Variants in FGF17 observed in about 807,000 individuals in gnomAD.
FGF17 encodes the protein fibroblast growth factor 17.
FGF17 carries 5 observed loss-of-function variants against 23.5 expected under a neutral mutation model. That is an observed-to-expected ratio of 0.21 (90% CI 0.11 to 0.45). FGF17 has a LOEUF of 0.45. Among genes scored for constraint, FGF17 ranks in the 20% least tolerant of loss-of-function variants. FGF17 has a pLI of 0.99. For missense variants in FGF17, 221 were observed against 306.9 expected (o/e 0.72, Z 2.09); for synonymous variants, 136 against 123.0 (o/e 1.11, Z -0.70).
intron 2 of FGF17, among the ~76,000 whole-genome samples, chr8:22,043,550 T>G (rs1800781996): frequency 6.6e-6 from 1 of 152,192 alleles, no homozygotes; most frequent in Non-Finnish European, 1.5e-5. Flanking sequence ...CAGGTTTTGA[T>G]GCAAGACCAC....
upstream of FGF17, among the ~76,000 whole-genome samples, chr8:22,041,440 C>A (rs186596093): frequency 6.6e-6 from 1 of 152,124 alleles, no homozygotes; most frequent in African/African-American, 2.4e-5. Flanking sequence ...ACCCTGGGGG[C>A]GCTGAGAACT....
chr8:22,045,088 G>C, intron 2 of FGF17: 2 of 985,558 alleles, frequency 2.0e-6, no homozygotes. Context: ...GCACCTTGCA[G>C]GATGGAGGGG....
chr8:22,042,979 C>A lies in FGF17; in HGVS notation c.35+16C>A, dbSNP rs763671362. On this transcript the variant is annotated intron_variant, in intron 1 of 4. Coordinates refer to ENST00000359441, the MANE Select transcript of FGF17 (RefSeq NM_003867.4). Reference sequence around the variant, plus strand: ...ACCTCACTCTGTAAGTGTGCTACCTCTCCCACTGGAGTTTCGTTGCCATTT... The same window carrying A: ...ACCTCACTCTGTAAGTGTGCTACCTATCCCACTGGAGTTTCGTTGCCATTT... 15 of 1,612,348 alleles carry A rather than the reference C, an allele frequency of 9.3e-6. No individual in the cohort carries two copies. Among genetic ancestry groups the A allele is most frequent in the Middle Eastern group, 1.6e-4 (1 of 6,080 alleles).
Position 22,044,027 on chromosome 8 carries a change from T to TCC in FGF17, c.72+854_72+855dup, listed in dbSNP as rs570759086. On this transcript the variant is annotated intron_variant, in intron 2 of 4. Transcript: ENST00000359441. ...GGGGGGTGGGAGAGGGAGAGACAAT[T>TCC]CCCCCCCCCTTCCTTCCCCCTTTTG... 4.2e-3 allele frequency among the ~76,000 whole-genome samples: 614 copies of TCC among 146,812 alleles called. 3 individuals carry two copies. The highest frequency in any genetic ancestry group is 0.015 in the African/African-American group (581 of 39,672).
In FGF17 at chr8:22,048,373, G is replaced by T; in HGVS notation, c.*124G>T. Reference sequence around the variant, plus strand: ...CCCGAGGGAGGACCCTGAGGGCCGCGAAGCATCCGAGCCCCCAGCTGGGAA... The same window carrying T: ...CCCGAGGGAGGACCCTGAGGGCCGCTAAGCATCCGAGCCCCCAGCTGGGAA... On this transcript the variant is annotated 3_prime_UTR_variant, in exon 5 of 5. Transcript: ENST00000359441. The surrounding 1 kb of genome is among the most constrained non-coding windows in gnomAD (Gnocchi z 6.9). 1 of 881,208 alleles carries T rather than the reference G, an allele frequency of 1.1e-6. No individual in the cohort carries two copies. Among genetic ancestry groups the T allele is most frequent in the Non-Finnish European group, 1.7e-6 (1 of 592,204 alleles). The allele number at this position is 881,208 out of a possible 1,614,324, so 54.6% of individuals were successfully genotyped here. A position where few individuals can be genotyped will look rare whatever the true frequency, so the allele number is the denominator to read the frequency against.
intron 2 of FGF17, among the ~76,000 whole-genome samples, chr8:22,044,393 G>A (rs1019520060): frequency 4.6e-5 from 7 of 152,096 alleles, no homozygotes; most frequent in Non-Finnish European, 7.4e-5. Context: ...GAAAGGGACA[G>A]GCTAGGTCCC....
chr8:22,039,809 G>C (rs1026064061), upstream of FGF17, among the ~76,000 whole-genome samples: 3 of 152,032 alleles, frequency 2.0e-5, no homozygotes, highest in African/African-American at 7.2e-5. Context: ...CCCTTCCCCT[G>C]CCCCAACTCT....
At chr8:22,041,677 G>C (rs1385568653), upstream of FGF17, among the ~76,000 whole-genome samples, 3 of 152,220 alleles carry the variant, frequency 2.0e-5, no homozygotes, top group African/African-American at 7.2e-5. Flanking sequence ...GTTTGGGGCT[G>C]GATCTGCAGG....
intron 2 of FGF17, chr8:22,045,176 GC>G: frequency 1.0e-6 from 1 of 985,540 alleles, no homozygotes; most frequent in Non-Finnish European, 1.2e-6. Flanking sequence ...ACTCCTCCTG[GC>G]TTTGCACAGT....
chr8:22,047,348 G>A lies in FGF17; in HGVS notation c.358-608G>A, dbSNP rs535178459. 2.0e-5 allele frequency among the ~76,000 whole-genome samples: 3 copies of A among 152,328 alleles called. No homozygotes were observed. The East Asian group carries it at 5.8e-4, about 29-fold the overall frequency. The stretch of plus-strand genomic sequence containing the variant: ...CAGCTAGCAAGATAGACACTAAGCA[G>A]CTGCCCCTGTGACCAAAGCACACGG... On this transcript the variant is annotated intron_variant, in intron 4 of 4. Transcript: ENST00000359441.
intron 2 of FGF17, among the ~76,000 whole-genome samples, chr8:22,044,180 G>C (rs1279930368): frequency 6.6e-6 from 1 of 152,074 alleles, no homozygotes; most frequent in African/African-American, 2.4e-5. Context: ...ACAATGGTGC[G>C]GCTGGCCGGG....
Position 22,048,313 on chromosome 8 carries a change from G to A in FGF17, c.*64G>A, listed in dbSNP as rs986445328. On this transcript the variant is annotated 3_prime_UTR_variant, in exon 5 of 5. Coordinates refer to ENST00000359441, the MANE Select transcript of FGF17 (RefSeq NM_003867.4). This position sits in a 1 kb window ranked among gnomAD's most constrained non-coding sequence, Gnocchi z 6.9. ...CCACCCCTTTCCCTTCTTAATCCAAGGACTGGGCTGGGGTGGCGGGAGGGG... is the reference window on the plus strand; with the variant it reads ...CCACCCCTTTCCCTTCTTAATCCAAAGACTGGGCTGGGGTGGCGGGAGGGG... The A allele has an allele frequency of 2.2e-6, 3 of 1,363,768 alleles. No individual in the cohort carries two copies. The highest frequency in any genetic ancestry group is 1.4e-5 in the South Asian group (1 of 72,370). The allele number at this position is 1,363,768 out of a possible 1,614,324, so 84.5% of individuals were successfully genotyped here.
chr8:22,045,552 T>C, intron 2 of FGF17: 3 of 997,434 alleles, frequency 3.0e-6, no homozygotes, highest in Non-Finnish European at 3.6e-6. Flanking sequence ...CATGGGACCC[T>C]GCAGGAGCTT....
At position 22,048,732 on chromosome 8, in the gene FGF17, C is replaced by T. The variant is rs1801027146; in HGVS notation, c.*483C>T. 1 of 163,494 alleles carries T rather than the reference C, an allele frequency of 6.1e-6. No individual in the cohort carries two copies. 10.1% of individuals were successfully genotyped at this position (163,494 alleles called of 1,614,324 possible). A position where few individuals can be genotyped will look rare whatever the true frequency, so the allele number is the denominator to read the frequency against. On this transcript the variant is annotated 3_prime_UTR_variant, in exon 5 of 5. Coordinates refer to ENST00000359441, the MANE Select transcript of FGF17 (RefSeq NM_003867.4). This position sits in a 1 kb window ranked among gnomAD's most constrained non-coding sequence, Gnocchi z 6.9. ...AGAGAGAGGAAAATAGAGGGTTGTC[C>T]ACTCCTCACATTCCACGACCCAGGC...
Position 22,048,071 on chromosome 8 carries a change from G to C in FGF17, c.473G>C (p.Arg158Pro). ...TTCATGGCCTTCACGCGGCAGGGGC[G>C]GCCCCGCCAGGCTTCCCGCAGCCGC... ...GWFMAFTRQG[R>P]PRQASRSRQN... The change falls in exon 5 of 5, where the codon CGG (arginine) becomes CCG (proline). Residue 158 changes from arginine (R) to proline (P), a missense_variant. By Grantham distance (103) the Arg-to-Pro change is moderately radical. Transcript: ENST00000359441. The surrounding 1 kb of genome is among the most constrained non-coding windows in gnomAD (Gnocchi z 6.9). The C allele has an allele frequency of 6.2e-7, 1 of 1,612,736 alleles. No individual in the cohort carries two copies. Among genetic ancestry groups the C allele is most frequent in the Non-Finnish European group, 8.5e-7 (1 of 1,179,748 alleles).
At chr8:22,045,234 G>A in intron 2 of FGF17, 4 of 985,564 alleles carry the variant, frequency 4.1e-6, no homozygotes, top group Non-Finnish European at 4.8e-6. Context: ...GGGGAAGCAG[G>A]TGGGCGGGCG....
At chr8:22,044,614 C>T in intron 2 of FGF17, 1 of 902,262 alleles carries the variant, frequency 1.1e-6, no homozygotes, top group Non-Finnish European at 1.3e-6. Context: ...CAGGACCCCA[C>T]CCCCTGGAAG....
chr8:22,042,666 C>T (rs570083655), upstream of FGF17: 190 of 598,452 alleles, frequency 3.2e-4, 3 homozygotes, highest in South Asian at 3.3e-3. Flanking sequence ...ACAGCGCGCA[C>T]GCCCCCACCC....
chr8:22,043,298 TC>T, intron 2 of FGF17, 117 bp downstream of exon 2: 2 of 1,033,786 alleles, frequency 1.9e-6, no homozygotes, highest in Non-Finnish European at 1.5e-6. Flanking sequence ...TCTCCCTGGG[TC>T]CAGGAGGCAC....
Sources: allele counts gnomAD v4.1 joint callset (sites outside exome capture counted in the v4.1 genomes callset), GRCh38; gene constraint gnomAD v4.1.1; non-coding constraint Gnocchi (gnomAD v3.1); transcripts MANE v1.5; gene names NCBI Gene and HGNC (gene_info 2026-07-23, HGNC 2026-07-21).